The following ACVR1C variants were observed in gnomAD, a reference collection of about 807,000 sequenced individuals.
ACVR1C encodes the protein activin receptor type-1C.
A neutral mutation model predicts 57.9 loss-of-function variants in ACVR1C; 23 were observed. The observed-to-expected ratio is 0.40, with a 90% CI of 0.29 to 0.56. The LOEUF (loss-of-function observed/expected upper bound fraction) is 0.56, where lower values mean the gene tolerates loss of function less well. Ranked by LOEUF, ACVR1C falls within the 20% of genes least tolerant of loss-of-function variation. ACVR1C has a pLI of 0.50. For synonymous variants in ACVR1C, 214 were observed against 215.3 expected, an observed-to-expected ratio of 0.99 and a Z score of 0.05; for missense variants, 480 against 607.9, an observed-to-expected ratio of 0.79 and a Z score of 2.21.
chr2:157,549,827 T>C (rs1245310412), intron 4 of ACVR1C, among the ~76,000 whole-genome samples: 1 of 27,256 alleles, frequency 3.7e-5, no homozygotes, highest in Non-Finnish European at 7.9e-5. Flanking sequence ...CTACTAAAAA[T>C]ACAAAAAAAA....
rs141809315 is a variant in ACVR1C at position 157,608,972 on chromosome 2, A to C, written c.73+19600T>G. 5.5e-3 allele frequency among the ~76,000 whole-genome samples: 838 copies of C among 151,634 alleles called. 12 individuals are homozygous for C. Among genetic ancestry groups the C allele is most frequent in the African/African-American group, 0.018 (764 of 41,412 alleles). On this transcript the variant is annotated intron_variant, in intron 1 of 8. Coordinates refer to ENST00000243349, the MANE Select transcript of ACVR1C (RefSeq NM_145259.3). Reference sequence around the variant, plus strand: ...TCTTCCTTTTTTTGTTATTTAGTTCATTTAGTTCTGCTGTGATCTTTATTA... The same window carrying C: ...TCTTCCTTTTTTTGTTATTTAGTTCCTTTAGTTCTGCTGTGATCTTTATTA...
In ACVR1C at chr2:157,556,430, T is replaced by G. The variant is rs1277874691; in HGVS notation, c.305-98A>C. 4 of 1,487,838 alleles carry G rather than the reference T, an allele frequency of 2.7e-6. No individual in the cohort carries two copies. In the African/African-American group the frequency reaches 5.5e-5, roughly 21 times the overall value. The allele number at this position is 1,487,838 out of a possible 1,614,324, so 92.2% of individuals were successfully genotyped here. On this transcript the variant is annotated intron_variant, in intron 2 of 8. Transcript: ENST00000243349. ...TCACCAAAATTTCACATCCAGAATA[T>G]TCAGCTACACAGTATGCACTTATGT...
At chr2:157,587,158 T>C in intron 2 of ACVR1C, 29 bp downstream of exon 2, 1 of 1,548,264 alleles carries the variant, frequency 6.5e-7, no homozygotes, top group Non-Finnish European at 8.9e-7. Context: ...TAAAATTAAA[T>C]TCGGAATGAA....
At chr2:157,627,182 C>A (rs1408119588) in intron 1 of ACVR1C, among the ~76,000 whole-genome samples, 1 of 152,156 alleles carries the variant, frequency 6.6e-6, no homozygotes, top group African/African-American at 2.4e-5. Context: ...AGTTTCACCC[C>A]ATCAAAACTG....
At position 157,528,803 on chromosome 2, in the gene ACVR1C, A is replaced by G. The variant is rs1247736701; in HGVS notation, c.*5115T>C. The G allele has an allele frequency of 6.6e-6, 1 of 152,214 alleles. No individual in the cohort carries two copies. The highest frequency in any genetic ancestry group is 1.5e-5 in the Non-Finnish European group (1 of 68,022). 9.4% of individuals were successfully genotyped at this position (152,214 alleles called of 1,614,324 possible). ...TAACAGCTAGTCTTTTTAGGTTTTA[A>G]AAGAAAAATCATCTCTGCCATTAAC... On this transcript the variant is annotated 3_prime_UTR_variant, in exon 9 of 9. Coordinates refer to ENST00000243349, the MANE Select transcript of ACVR1C (RefSeq NM_145259.3).
rs144637567 is a variant in ACVR1C, at chr2:157,564,189, C to T, written c.305-7857G>A. 1.4e-4 allele frequency among the ~76,000 whole-genome samples: 21 copies of T among 152,136 alleles called. No homozygotes were observed. The East Asian group carries it at 1.9e-3, about 14-fold the overall frequency. On this transcript the variant is annotated intron_variant, in intron 2 of 8. Transcript: ENST00000243349. ...CAGAGTGAACAGGTAACCTACAGAA[C>T]GGAAGAAAATTTTTGCAATCTACCC...
At position 157,556,348 on chromosome 2, in the gene ACVR1C, G is replaced by A. The variant is rs1290480133; in HGVS notation, c.305-16C>T. The A allele has an allele frequency of 6.2e-7, 1 of 1,611,724 alleles. No individual in the cohort carries two copies. The highest frequency in any genetic ancestry group is 1.3e-5 in the African/African-American group (1 of 74,996). Reference sequence around the variant, plus strand: ...TTTGGTGATGCTACAGTTTAAAGAAGAAAGAACATGACCATAAATCAAACC... The same window carrying A: ...TTTGGTGATGCTACAGTTTAAAGAAAAAAGAACATGACCATAAATCAAACC... On this transcript the variant is annotated splice_polypyrimidine_tract_variant and intron_variant, in intron 2 of 8. Coordinates refer to ENST00000243349, the MANE Select transcript of ACVR1C (RefSeq NM_145259.3).
At chr2:157,580,784 A>G (rs1688772234) in intron 2 of ACVR1C, among the ~76,000 whole-genome samples, 1 of 152,194 alleles carries the variant, frequency 6.6e-6, no homozygotes, top group East Asian at 1.9e-4. Context: ...AGGCTGGGAA[A>G]TAAAATATGG....
At chr2:157,562,514 TAAAATAAAAA>T (rs1688265686) in intron 2 of ACVR1C, among the ~76,000 whole-genome samples, 1 of 143,054 alleles carries the variant, frequency 7.0e-6, no homozygotes, top group Non-Finnish European at 1.5e-5. Flanking sequence ...TAAAATAAAA[TAAAATAAAAA>T]AGCCCAGGAC....
chr2:157,622,164 C>G (rs1044259728), intron 1 of ACVR1C, among the ~76,000 whole-genome samples: 11 of 152,112 alleles, frequency 7.2e-5, no homozygotes, highest in Admixed American at 7.2e-4. Context: ...TGACTATTGA[C>G]TGTGAAAAAT....
At chr2:157,583,124 G>A (rs1452705175) in intron 2 of ACVR1C, among the ~76,000 whole-genome samples, 3 of 152,112 alleles carry the variant, frequency 2.0e-5, no homozygotes, top group Admixed American at 6.5e-5. Flanking sequence ...GCCTCCCAAA[G>A]TGCTGGGACT....
chr2:157,596,359 C>T (rs1230960800), intron 1 of ACVR1C, among the ~76,000 whole-genome samples: 2 of 152,018 alleles, frequency 1.3e-5, no homozygotes, highest in Non-Finnish European at 2.9e-5. Flanking sequence ...ATACTTGCCC[C>T]TTGACAAAAA....
intron 3 of ACVR1C, among the ~76,000 whole-genome samples, chr2:157,555,043 T>A (rs924036080): frequency 6.6e-6 from 1 of 150,912 alleles, no homozygotes; most frequent in South Asian, 2.1e-4. Context: ...AACCTTCAAA[T>A]GCTTTGTGTT....
At chr2:157,578,770 T>C (rs1228353953) in intron 2 of ACVR1C, among the ~76,000 whole-genome samples, 1 of 152,202 alleles carries the variant, frequency 6.6e-6, no homozygotes, top group African/African-American at 2.4e-5. Context: ...ACTGTTTCTC[T>C]TTTCACTTCT....
chr2:157,552,148 G>GTTTT (rs1273853100), intron 3 of ACVR1C, among the ~76,000 whole-genome samples: 1 of 152,014 alleles, frequency 6.6e-6, no homozygotes, highest in East Asian at 1.9e-4. Context: ...TTGTTTGTTT[G>GTTTT]TTTTTTGAGA....
chr2:157,553,915 G>A (rs528935240), intron 3 of ACVR1C, among the ~76,000 whole-genome samples: 21 of 151,926 alleles, frequency 1.4e-4, no homozygotes, highest in Non-Finnish European at 2.6e-4. Flanking sequence ...AGGTGCAGTG[G>A]CTCACACCTG....
intron 5 of ACVR1C, among the ~76,000 whole-genome samples, chr2:157,543,433 A>G (rs1240958876): frequency 6.6e-6 from 1 of 152,226 alleles, no homozygotes; most frequent in Non-Finnish European, 1.5e-5. Context: ...AAACAAAACC[A>G]TTATTTTCAC....
At chr2:157,554,225 A>AAGAAAG (rs1321432237) in intron 3 of ACVR1C, among the ~76,000 whole-genome samples, 3 of 122,884 alleles carry the variant, frequency 2.4e-5, no homozygotes. Context: ...GAAAGAAAGA[A>AAGAAAG]AGAAAGAAAG....
intron 2 of ACVR1C, among the ~76,000 whole-genome samples, chr2:157,574,338 G>C (rs993855632): frequency 1.9e-4 from 29 of 152,130 alleles, no homozygotes; most frequent in African/African-American, 6.8e-4. Context: ...GAGCAAAGGA[G>C]CTCCCTTGGA....
Sources: allele counts gnomAD v4.1 joint callset (sites outside exome capture counted in the v4.1 genomes callset), GRCh38; gene constraint gnomAD v4.1.1; transcripts MANE v1.5; gene names NCBI Gene and HGNC (gene_info 2026-07-23, HGNC 2026-07-21).